Variants in VPS35L observed in about 807,000 individuals in gnomAD.
VPS35L encodes the protein VPS35 endosomal protein-sorting factor-like.
VPS35L carries 83 observed loss-of-function variants against 133.0 expected under a neutral mutation model. The observed-to-expected ratio is 0.62, with a 90% CI of 0.52 to 0.75. The LOEUF is 0.75. VPS35L is among the 30% of genes least tolerant of loss of function. VPS35L has a pLI of 0.00. For missense variants in VPS35L, 1,083 were observed against 1,206.8 expected, an observed-to-expected ratio of 0.90 and a Z score of 1.52; for synonymous variants, 423 against 449.9, an observed-to-expected ratio of 0.94 and a Z score of 0.76.
chr16:19,596,378 G>A (rs1239272185), intron 8 of VPS35L, among the ~76,000 whole-genome samples: 1 of 151,742 alleles, frequency 6.6e-6, no homozygotes, highest in Non-Finnish European at 1.5e-5. Context: ...TGACCCAAAG[G>A]ATCCTCTTGT....
chr16:19,699,553 G>C lies in VPS35L; in HGVS notation c.2698G>C (p.Ala900Pro). The C allele has an allele frequency of 6.2e-7, 1 of 1,614,130 alleles. No individual in the cohort carries two copies. The highest frequency in any genetic ancestry group is 1.1e-5 in the South Asian group (1 of 91,080). ...CCTTTCCTTCTTTAACAGCATCTTG[G>C]CCCATGGGGACCTACGCAACAACAA... Reference protein sequence around the residue: ...LGLSFFNSILAHGDLRNNKLN... With the variant: ...LGLSFFNSILPHGDLRNNKLN... Residue 900 changes from alanine (A) to proline (P), a missense_variant, in exon 30 of 31, where the codon GCC (alanine) becomes CCC (proline). Ala to Pro is a conservative substitution (Grantham distance 27). Coordinates refer to ENST00000417362, the MANE Select transcript of VPS35L (RefSeq NM_020314.7). The surrounding 1 kb of genome is among the most constrained non-coding windows in gnomAD (Gnocchi z 4.2).
chr16:19,632,790 T>C, intron 18 of VPS35L, among the ~76,000 whole-genome samples: 1 of 152,258 alleles, frequency 6.6e-6, no homozygotes, highest in East Asian at 1.9e-4. Context: ...AGGGAGGGCC[T>C]GGGACAGGCA....
In VPS35L at chr16:19,608,973, G is replaced by C; in HGVS notation, c.882-1G>C. 6.2e-7 allele frequency: 1 copy of C among 1,613,672 alleles called. No homozygotes were observed. Among genetic ancestry groups the C allele is most frequent in the Non-Finnish European group, 8.5e-7 (1 of 1,179,736 alleles). On this transcript the variant is annotated splice_acceptor_variant, in intron 10 of 30. Transcript: ENST00000417362. LOFTEE classifies it high-confidence loss of function. ...TCTTCCTTAACAGGATGTTTTTGTA[G>C]TTACGTGGAGGCATCCATCCTGAAA...
In VPS35L at chr16:19,700,649, T is replaced by TG. The variant is rs1207451475; in HGVS notation, c.*176dup. 3.2e-5 allele frequency: 19 copies of TG among 596,018 alleles called. 1 individual carries two copies. In the Admixed American group the frequency reaches 5.7e-4, roughly 18 times the overall value. 36.9% of individuals were successfully genotyped at this position (596,018 alleles called of 1,614,324 possible). A position where few individuals can be genotyped will look rare whatever the true frequency, so the allele number is the denominator to read the frequency against. On this transcript the variant is annotated 3_prime_UTR_variant, in exon 31 of 31. Transcript: ENST00000417362. ...CCAGGTTATTCTGACAATGAAGAAA[T>TG]GGGAGTTGTCAGAGCATTAAAATGC...
intron 3 of VPS35L, 27 bp downstream of exon 3, chr16:19,569,618 A>C: frequency 1.7e-5 from 25 of 1,510,538 alleles, no homozygotes; most frequent in Non-Finnish European, 2.2e-5. Flanking sequence ...ATGGTCGTCC[A>C]GTGGGGGTTG....
chr16:19,599,036 C>T lies in VPS35L; in HGVS notation c.725-2628C>T, dbSNP rs190085985. 2.7e-4 allele frequency among the ~76,000 whole-genome samples: 40 copies of T among 150,386 alleles called. 1 individual carries two copies. The highest frequency in any genetic ancestry group is 8.6e-4 in the African/African-American group (34 of 39,750). On this transcript the variant is annotated intron_variant, in intron 8 of 30. Coordinates refer to ENST00000417362, the MANE Select transcript of VPS35L (RefSeq NM_020314.7). ...ATCACAAGGGAGGCCTCTCTCTACA[C>T]GAGGTGTGGCGCTATAGGGAACCCA...
intron 27 of VPS35L, among the ~76,000 whole-genome samples, chr16:19,675,841 C>T (rs983269852): frequency 2.0e-5 from 3 of 152,152 alleles, no homozygotes; most frequent in Admixed American, 6.5e-5. Context: ...TGAGCCACTG[C>T]ACCCGGTCCC....
intron 15 of VPS35L, 52 bp from the exon 16 acceptor site, chr16:19,627,642 G>A: frequency 7.2e-7 from 1 of 1,388,202 alleles, no homozygotes; most frequent in Non-Finnish European, 1.0e-6. Context: ...AAAAATTAAA[G>A]CAACTTTGAT....
intron 23 of VPS35L, among the ~76,000 whole-genome samples, chr16:19,646,771 A>G (rs1446360508): frequency 6.6e-6 from 1 of 152,168 alleles, no homozygotes; most frequent in East Asian, 1.9e-4. Context: ...GGAGGGGAAG[A>G]GGCTCTGCCT....
intron 26 of VPS35L, among the ~76,000 whole-genome samples, chr16:19,660,788 TA>T (rs1477988648): frequency 6.6e-6 from 1 of 152,142 alleles, no homozygotes; most frequent in Non-Finnish European, 1.5e-5. Context: ...ATCTGTATTT[TA>T]AATCTTAATG....
rs1286790454 is a variant in VPS35L at position 19,561,904 on chromosome 16, G to A, written c.18-2947G>A. ...GTGGATCACCTGAGGTCAGGAGTTC[G>A]GGGTCAGCTTGGCCAACATGGTGAA... On this transcript the variant is annotated intron_variant, in intron 1 of 30. Transcript: ENST00000417362. Among the ~76,000 whole-genome samples the A allele has an allele frequency of 2.0e-5, 3 of 152,076 alleles. 1 individual carries two copies. Among genetic ancestry groups the A allele is most frequent in the Admixed American group, 6.6e-5 (1 of 15,264 alleles).
intron 26 of VPS35L, among the ~76,000 whole-genome samples, chr16:19,658,257 C>T (rs571930917): frequency 1.3e-4 from 20 of 152,244 alleles, no homozygotes; most frequent in Middle Eastern, 3.4e-3. Flanking sequence ...GGGCTGGGCG[C>T]GGTGGCTCAG....
chr16:19,650,311 A>C (rs969586395), intron 24 of VPS35L, 71 bp from the exon 25 acceptor site: 1 of 1,224,660 alleles, frequency 8.2e-7, no homozygotes, highest in African/African-American at 1.5e-5. Flanking sequence ...TAATGTTGAG[A>C]TCTCTATGGA....
At chr16:19,618,618 T>C (rs1449163628) in intron 14 of VPS35L, among the ~76,000 whole-genome samples, 1 of 152,206 alleles carries the variant, frequency 6.6e-6, no homozygotes, top group African/African-American at 2.4e-5. Flanking sequence ...TGCCTGGGTC[T>C]GCATCTCAGC....
intron 4 of VPS35L, among the ~76,000 whole-genome samples, chr16:19,574,231 T>G (rs1567391801): frequency 6.6e-6 from 1 of 152,212 alleles, no homozygotes; most frequent in Non-Finnish European, 1.5e-5. Flanking sequence ...GCATCAGGGT[T>G]CCGCCGCATT....
intron 9 of VPS35L, among the ~76,000 whole-genome samples, chr16:19,606,903 G>A (rs188660366): frequency 4.8e-4 from 73 of 152,254 alleles, no homozygotes; most frequent in Non-Finnish European, 8.7e-4. Flanking sequence ...TGCCACCTCA[G>A]CCTTCCAAGT....
chr16:19,680,824 G>T lies in VPS35L; in HGVS notation c.2362-1401G>T, dbSNP rs569730923. The stretch of plus-strand genomic sequence containing the variant: ...CCTCAGGAGGCTGAGGTGGAAGATC[G>T]CTTGAGCTCAGAGTCAAGGCTCCAG... On this transcript the variant is annotated intron_variant, in intron 27 of 30. Coordinates refer to ENST00000417362, the MANE Select transcript of VPS35L (RefSeq NM_020314.7). 3.3e-5 allele frequency among the ~76,000 whole-genome samples: 5 copies of T among 152,068 alleles called. No homozygotes were observed. In the South Asian group the frequency reaches 1.0e-3, roughly 32 times the overall value.
intron 26 of VPS35L, among the ~76,000 whole-genome samples, chr16:19,667,472 G>A (rs931852016): frequency 2.0e-5 from 3 of 152,126 alleles, no homozygotes; most frequent in African/African-American, 7.2e-5. Flanking sequence ...GGTGGCTCAC[G>A]CCTGTAATCC....
chr16:19,685,553 C>T (rs534518978), intron 28 of VPS35L, among the ~76,000 whole-genome samples: 9 of 152,244 alleles, frequency 5.9e-5, no homozygotes, highest in East Asian at 5.8e-4. Flanking sequence ...GTGGAGGTGG[C>T]GTTGCTGGCT....
Sources: gnomAD v4.1 joint callset for allele counts (sites outside exome capture counted in the v4.1 genomes callset) on GRCh38, gnomAD v4.1.1 for gene constraint, Gnocchi (gnomAD v3.1) non-coding constraint, MANE v1.5 for transcripts, NCBI Gene and HGNC (gene_info 2026-07-23, HGNC 2026-07-21) for gene names.